KCNH5: variants seen among roughly 807,000 people sequenced by gnomAD.
The protein encoded by KCNH5 is voltage-gated delayed rectifier potassium channel KCNH5.
A neutral mutation model predicts 96.1 loss-of-function variants in KCNH5; 46 were observed. The ratio of observed to expected loss-of-function variants is 0.48; its 90% CI spans 0.38 to 0.61. The LOEUF is 0.61. Ranked by LOEUF, KCNH5 falls within the 20% of genes least tolerant of loss-of-function variation. KCNH5 has a pLI of 0.00. For synonymous variants in KCNH5, 439 were observed against 449.8 expected, an observed-to-expected ratio of 0.98 and a Z score of 0.30; for missense variants, 907 against 1,225.8, an observed-to-expected ratio of 0.74 and a Z score of 3.88.
At chr14:62,984,860 G>A (rs1157714546) in intron 5 of KCNH5, among the ~76,000 whole-genome samples, 1 of 152,142 alleles carries the variant, frequency 6.6e-6, no homozygotes, top group African/African-American at 2.4e-5. Context: ...TTGATACAGT[G>A]AAAAAACAAT....
intron 6 of KCNH5, among the ~76,000 whole-genome samples, chr14:62,975,668 C>T (rs1005582691): frequency 2.0e-5 from 3 of 151,634 alleles, no homozygotes; most frequent in Admixed American, 2.0e-4. Context: ...AATCGATTAA[C>T]AGAAAAAATT....
chr14:62,716,658 A>G lies in KCNH5; in HGVS notation c.2020-8203T>C, dbSNP rs955014439. On this transcript the variant is annotated intron_variant, in intron 10 of 10. Transcript: ENST00000322893. ...CTAGCTACATAATTTTCAGAGCCCGATGCAAGATTAAAAAGTCAGGGCCTC... is the reference window on the plus strand; with the variant it reads ...CTAGCTACATAATTTTCAGAGCCCGGTGCAAGATTAAAAAGTCAGGGCCTC... Among the ~76,000 whole-genome samples, 7 of 152,162 alleles carry G rather than the reference A, an allele frequency of 4.6e-5. 1 individual carries two copies. Among genetic ancestry groups the G allele is most frequent in the Non-Finnish European group, 8.8e-5 (6 of 68,030 alleles).
intron 7 of KCNH5, among the ~76,000 whole-genome samples, chr14:62,946,895 T>C (rs548240140): frequency 6.2e-4 from 94 of 152,246 alleles, no homozygotes; most frequent in African/African-American, 2.2e-3. Context: ...GGAGAGCAGA[T>C]GAGTAGTTTT....
chr14:62,890,864 T>A (rs566133654), intron 7 of KCNH5, among the ~76,000 whole-genome samples: 4 of 148,928 alleles, frequency 2.7e-5, no homozygotes, highest in African/African-American at 1.0e-4. Context: ...ATAGCTATTA[T>A]TAAAAAGTCA....
chr14:62,928,818 T>A (rs1248851446), intron 7 of KCNH5, among the ~76,000 whole-genome samples: 5 of 152,102 alleles, frequency 3.3e-5, no homozygotes, highest in Non-Finnish European at 5.9e-5. Flanking sequence ...TTTTGCTGGT[T>A]TCACCTCATC....
chr14:62,743,231 G>A (rs1885308200), intron 10 of KCNH5, among the ~76,000 whole-genome samples: 1 of 152,118 alleles, frequency 6.6e-6, no homozygotes, highest in South Asian at 2.1e-4. Flanking sequence ...AAAGTATAAT[G>A]GGCCTCACCC....
At chr14:62,708,557 T>A in intron 10 of KCNH5, 102 bp from the exon 11 acceptor site, 1 of 654,640 alleles carries the variant, frequency 1.5e-6, no homozygotes, top group Non-Finnish European at 2.4e-6. Context: ...AAGAAAACCC[T>A]TGAATATTTG....
At chr14:62,803,765 G>A (rs530236630) in intron 8 of KCNH5, among the ~76,000 whole-genome samples, 14 of 152,018 alleles carry the variant, frequency 9.2e-5, no homozygotes, top group Non-Finnish European at 1.5e-4. Flanking sequence ...ATGTGATTGC[G>A]GAAGTTAATA....
At chr14:62,897,476 C>T (rs1309511679) in intron 7 of KCNH5, among the ~76,000 whole-genome samples, 1 of 152,066 alleles carries the variant, frequency 6.6e-6, no homozygotes, top group Non-Finnish European at 1.5e-5. Flanking sequence ...AACAAGAGTG[C>T]TCAACCCACA....
At chr14:62,991,199 G>C (rs548387828) in intron 4 of KCNH5, among the ~76,000 whole-genome samples, 20 of 152,150 alleles carry the variant, frequency 1.3e-4, no homozygotes, top group African/African-American at 4.6e-4. Context: ...AAATAAATAG[G>C]AGTACAGCAT....
chr14:62,882,966 C>G (rs1209987915), intron 7 of KCNH5, among the ~76,000 whole-genome samples: 1 of 152,164 alleles, frequency 6.6e-6, no homozygotes, highest in Non-Finnish European at 1.5e-5. Context: ...TTTCTAATAT[C>G]TCTGAAAGTT....
chr14:62,866,244 G>A (rs2140061467), intron 7 of KCNH5, among the ~76,000 whole-genome samples: 1 of 152,212 alleles, frequency 6.6e-6, no homozygotes, highest in East Asian at 1.9e-4. Context: ...CACAAAAATG[G>A]CACTGGTTTA....
At chr14:62,842,327 G>A (rs193276048) in intron 8 of KCNH5, among the ~76,000 whole-genome samples, 9 of 152,124 alleles carry the variant, frequency 5.9e-5, no homozygotes, top group Non-Finnish European at 8.8e-5. Flanking sequence ...TACGTGAAAC[G>A]AAAAAACTGA....
chr14:62,861,941 A>T (rs914727679), intron 7 of KCNH5, among the ~76,000 whole-genome samples: 1 of 152,186 alleles, frequency 6.6e-6, no homozygotes, highest in African/African-American at 2.4e-5. Flanking sequence ...GGAATAAGAA[A>T]ATACAACAAG....
At chr14:62,913,098 G>A (rs1889202273) in intron 7 of KCNH5, among the ~76,000 whole-genome samples, 1 of 152,190 alleles carries the variant, frequency 6.6e-6, no homozygotes, top group African/African-American at 2.4e-5. Context: ...AATGTATGGG[G>A]TAAGTTAGTG....
chr14:62,847,947 C>T (rs1887731494), intron 8 of KCNH5, among the ~76,000 whole-genome samples: 1 of 152,154 alleles, frequency 6.6e-6, no homozygotes, highest in Admixed American at 6.5e-5. Context: ...AGCATGTCCT[C>T]AAGGGGAGGC....
chr14:62,881,038 G>C (rs12147279), intron 7 of KCNH5, among the ~76,000 whole-genome samples: 29,012 of 152,022 alleles, frequency 0.19, 3,194 homozygotes, highest in East Asian at 0.28. Context: ...TACCTAAATC[G>C]GTCACTTTTC....
At chr14:63,016,688 G>T in intron 2 of KCNH5, 143 bp downstream of exon 2, 1 of 724,866 alleles carries the variant, frequency 1.4e-6, no homozygotes, top group Non-Finnish European at 2.0e-6. Context: ...TGTTTCCATT[G>T]ATAATTTAGT....
chr14:62,878,989 G>T (rs1888439146), intron 7 of KCNH5, among the ~76,000 whole-genome samples: 1 of 152,052 alleles, frequency 6.6e-6, no homozygotes, highest in Non-Finnish European at 1.5e-5. Flanking sequence ...GTTGCATTTT[G>T]AGGTACTGGG....
Sources: allele counts gnomAD v4.1 joint callset (sites outside exome capture counted in the v4.1 genomes callset), GRCh38; gene constraint gnomAD v4.1.1; transcripts MANE v1.5; gene names NCBI Gene and HGNC (gene_info 2026-07-23, HGNC 2026-07-21).